Variants in FAF1 observed in about 807,000 individuals in gnomAD.
FAF1 encodes FAS-associated factor 1.
Under a neutral mutation model 92.5 loss-of-function variants are expected in FAF1, and 25 were observed. The observed-to-expected ratio is 0.27, with a 90% CI of 0.20 to 0.38. The LOEUF is 0.38. Among genes scored for constraint, FAF1 ranks in the 10% least tolerant of loss-of-function variants. The pLI is 1.00. For synonymous variants in FAF1, 234 were observed against 273.2 expected, an observed-to-expected ratio of 0.86 and a Z score of 1.42; for missense variants, 636 against 793.3, an observed-to-expected ratio of 0.80 and a Z score of 2.38.
intron 2 of FAF1, among the ~76,000 whole-genome samples, chr1:50,838,301 T>C (rs1325148413): frequency 1.3e-5 from 2 of 151,908 alleles, no homozygotes; most frequent in Admixed American, 6.6e-5. Flanking sequence ...AAGCTCTGAA[T>C]TGTTTAACAA....
intron 3 of FAF1, among the ~76,000 whole-genome samples, chr1:50,796,823 TC>T (rs1265091216): frequency 1.3e-5 from 2 of 151,996 alleles, no homozygotes; most frequent in Non-Finnish European, 2.9e-5. Flanking sequence ...TATATAAAAT[TC>T]CCTCTGGTAA....
intron 3 of FAF1, among the ~76,000 whole-genome samples, chr1:50,793,351 G>A (rs1661631997): frequency 6.6e-6 from 1 of 152,104 alleles, no homozygotes; most frequent in African/African-American, 2.4e-5. Context: ...AGATTTTTAG[G>A]AGATTACTAG....
At chr1:50,569,273 T>C (rs1410922079) in intron 12 of FAF1, among the ~76,000 whole-genome samples, 4 of 152,130 alleles carry the variant, frequency 2.6e-5, no homozygotes, top group Non-Finnish European at 5.9e-5. Flanking sequence ...TGTTTACCAG[T>C]TTCCCCTCTA....
intron 6 of FAF1, among the ~76,000 whole-genome samples, chr1:50,718,461 T>C (rs2124449349): frequency 6.6e-6 from 1 of 152,368 alleles, no homozygotes; most frequent in Admixed American, 6.5e-5. Flanking sequence ...GTGCTATGTG[T>C]GCAGTTAAGA....
intron 4 of FAF1, among the ~76,000 whole-genome samples, chr1:50,763,516 C>G (rs1011893552): frequency 1.3e-5 from 2 of 152,092 alleles, no homozygotes; most frequent in African/African-American, 4.8e-5. Context: ...ACTCTCTCCT[C>G]TATTTTAGGG....
intron 7 of FAF1, among the ~76,000 whole-genome samples, chr1:50,673,119 G>A (rs1302028444): frequency 1.3e-5 from 2 of 152,052 alleles, no homozygotes; most frequent in Non-Finnish European, 2.9e-5. Context: ...TTAGCCAGGT[G>A]TTGTGGTGCA....
At chr1:50,499,408 T>G (rs1477884498) in intron 15 of FAF1, among the ~76,000 whole-genome samples, 5 of 150,296 alleles carry the variant, frequency 3.3e-5, no homozygotes, top group Non-Finnish European at 7.4e-5. Flanking sequence ...TTTATCAGGC[T>G]AAGGACATTT....
In FAF1 at chr1:50,920,891, A is replaced by G. The variant is rs1418601193; in HGVS notation, c.45+38876T>C. Among the ~76,000 whole-genome samples the G allele has an allele frequency of 2.6e-5, 4 of 152,334 alleles. No individual in the cohort carries two copies. In the South Asian group the frequency reaches 8.3e-4, roughly 32 times the overall value. On this transcript the variant is annotated intron_variant, in intron 1 of 18. Transcript: ENST00000396153. ...AAGAATGTTTGCTGTCACCACTTCT[A>G]TTCAACCTCTATTGTACTAGAGGTC...
chr1:50,815,098 T>C (rs1472715743), intron 2 of FAF1, among the ~76,000 whole-genome samples: 1 of 152,226 alleles, frequency 6.6e-6, no homozygotes, highest in Admixed American at 6.5e-5. Context: ...ATTTCAATAA[T>C]TATTTTAGAT....
chr1:50,668,512 G>T (rs984678608), intron 7 of FAF1, among the ~76,000 whole-genome samples: 6 of 152,146 alleles, frequency 3.9e-5, no homozygotes, highest in Admixed American at 1.3e-4. Context: ...CATGAGCAAA[G>T]TTATAAGAGT....
intron 5 of FAF1, among the ~76,000 whole-genome samples, chr1:50,739,833 C>T (rs1264901763): frequency 2.0e-5 from 3 of 152,086 alleles, no homozygotes; most frequent in Non-Finnish European, 4.4e-5. Context: ...TACTATTGTA[C>T]TACATATGAC....
At chr1:50,893,910 ACAGTC>A (rs1286496197) in intron 1 of FAF1, among the ~76,000 whole-genome samples, 27 of 152,142 alleles carry the variant, frequency 1.8e-4, no homozygotes, top group Non-Finnish European at 3.1e-4. Flanking sequence ...CCACAAGACT[ACAGTC>A]CTTCCCATAC....
At chr1:50,717,818 A>G (rs1473028234) in intron 6 of FAF1, among the ~76,000 whole-genome samples, 1 of 152,196 alleles carries the variant, frequency 6.6e-6, no homozygotes, top group African/African-American at 2.4e-5. Flanking sequence ...CCTGCGCAAC[A>G]TAGCAAGACC....
intron 4 of FAF1, among the ~76,000 whole-genome samples, chr1:50,787,439 T>A (rs1661400311): frequency 6.6e-6 from 1 of 152,242 alleles, no homozygotes; most frequent in South Asian, 2.1e-4. Flanking sequence ...TTTGCCCTTC[T>A]GGTTTCTGTC....
chr1:50,739,402 A>G (rs942626625), intron 5 of FAF1, among the ~76,000 whole-genome samples: 1,930 of 114,814 alleles, frequency 0.017, 39 homozygotes, highest in African/African-American at 0.083. Context: ...GTTTATGTGT[A>G]TGTGTATACA....
chr1:50,938,494 GA>G (rs1645104643), intron 1 of FAF1, among the ~76,000 whole-genome samples: 1 of 152,156 alleles, frequency 6.6e-6, no homozygotes, highest in South Asian at 2.1e-4. Flanking sequence ...AATCTGCATA[GA>G]CTTGCAAATA....
chr1:50,451,359 G>A (rs1646291442), intron 18 of FAF1, among the ~76,000 whole-genome samples: 1 of 152,164 alleles, frequency 6.6e-6, no homozygotes, highest in South Asian at 2.1e-4. Context: ...TGCTAACTGT[G>A]CTAAGTGCTG....
chr1:50,594,360 C>CTA (rs1398621512), intron 9 of FAF1, among the ~76,000 whole-genome samples: 3 of 151,352 alleles, frequency 2.0e-5, no homozygotes, highest in African/African-American at 7.3e-5. Context: ...TTCATCTGTG[C>CTA]TATTTAGTTA....
intron 12 of FAF1, among the ~76,000 whole-genome samples, chr1:50,574,898 C>T (rs146997335): frequency 0.025 from 1,778 of 71,278 alleles, 86 homozygotes; most frequent in African/African-American, 0.089. Flanking sequence ...TGTATTAACT[C>T]TTTTTTTTTT....
Sources: gnomAD v4.1 joint callset for allele counts (sites outside exome capture counted in the v4.1 genomes callset) on GRCh38, gnomAD v4.1.1 for gene constraint, MANE v1.5 for transcripts, NCBI Gene and HGNC (gene_info 2026-07-23, HGNC 2026-07-21) for gene names.